ZNF444: variants seen among roughly 807,000 people sequenced by gnomAD.
ZNF444 encodes the protein zinc finger protein 444.
Under a neutral mutation model 14.4 loss-of-function variants are expected in ZNF444, and 8 were observed. The observed-to-expected ratio is 0.56, with a 90% CI of 0.33 to 1.00. ZNF444 has a LOEUF of 1.00. ZNF444 is among the 50% of genes least tolerant of loss of function. The pLI is 0.03. For missense variants in ZNF444, 510 were observed against 504.8 expected (o/e 1.01, Z -0.10); for synonymous variants, 258 against 235.9 (o/e 1.09, Z -0.86).
rs756663802 is a variant in ZNF444, at chr19:56,160,227, C to T, written c.*26C>T. 57 of 1,412,418 alleles carry T rather than the reference C, an allele frequency of 4.0e-5. No individual in the cohort carries two copies. The highest frequency in any genetic ancestry group is 5.1e-5 in the Non-Finnish European group (56 of 1,095,108). The allele number at this position is 1,412,418 out of a possible 1,614,324, so 87.5% of individuals were successfully genotyped here. A position where few individuals can be genotyped will look rare whatever the true frequency, so the allele number is the denominator to read the frequency against. ...CCGCCTCCCGGCCAGCGCCATCTCC[C>T]GCCCTTGGTGCTGCCCCCGGGCGGT... On this transcript the variant is annotated 3_prime_UTR_variant, in exon 5 of 5. Coordinates refer to ENST00000337080, the MANE Select transcript of ZNF444 (RefSeq NM_018337.4).
At chr19:56,140,455 G>A (rs1466328429), upstream of ZNF444, among the ~76,000 whole-genome samples, 1 of 152,158 alleles carries the variant, frequency 6.6e-6, no homozygotes, top group African/African-American at 2.4e-5. Flanking sequence ...GGGGCACAGC[G>A]AGGACGCGTG....
chr19:56,154,802 T>A (rs1179777405), intron 3 of ZNF444: 3 of 151,950 alleles, frequency 2.0e-5, no homozygotes, highest in Admixed American at 2.0e-4. Flanking sequence ...GATCCCACAG[T>A]GGGTGGACAG....
At position 56,145,520 on chromosome 19, in the gene ZNF444, A is replaced by C. The variant is rs1402227401; in HGVS notation, c.-196-727A>C. ...AGAATCGCTTGACCCTGGGAGGCGG[A>C]GGTTGCAGTGAACCAAGATCGCACC... On this transcript the variant is annotated intron_variant, in intron 1 of 4. Coordinates refer to ENST00000337080, the MANE Select transcript of ZNF444 (RefSeq NM_018337.4). The surrounding 1 kb of genome is among the most constrained non-coding windows in gnomAD (Gnocchi z 4.3). Among the ~76,000 whole-genome samples, 2 of 152,096 alleles carry C rather than the reference A, an allele frequency of 1.3e-5. No individual in the cohort carries two copies. Among genetic ancestry groups the C allele is most frequent in the Non-Finnish European group, 2.9e-5 (2 of 68,016 alleles).
chr19:56,137,653 T>A (rs1339980591), upstream of ZNF444, among the ~76,000 whole-genome samples: 1 of 152,118 alleles, frequency 6.6e-6, no homozygotes, highest in Non-Finnish European at 1.5e-5. Flanking sequence ...GTGCCCCGGC[T>A]CAGTTCTGCA....
chr19:56,154,956 C>T (rs572958585), intron 3 of ZNF444: 9 of 152,356 alleles, frequency 5.9e-5, no homozygotes, highest in Non-Finnish European at 1.2e-4. Context: ...GGATATGAGT[C>T]CTGCCTCCAC....
At chr19:56,156,483 C>T (rs906230508) in intron 3 of ZNF444, 2 of 152,172 alleles carry the variant, frequency 1.3e-5, no homozygotes, top group Admixed American at 1.3e-4. Context: ...GGGGCAGGAC[C>T]CCTTCTGAAG....
intron 4 of ZNF444, 93 bp from the exon 5 acceptor site, chr19:56,159,531 T>G (rs2032135457): frequency 6.8e-6 from 8 of 1,180,616 alleles, no homozygotes; most frequent in South Asian, 3.5e-5. Flanking sequence ...GGTTTCTGCC[T>G]TTAAGCGTTC....
At chr19:56,141,753 C>T (rs1189810190) in intron 1 of ZNF444, 1 of 149,236 alleles carries the variant, frequency 6.7e-6, no homozygotes, top group Non-Finnish European at 1.5e-5. Flanking sequence ...CTGGACCCTA[C>T]AAAGGAGTCT....
intron 1 of ZNF444, chr19:56,143,598 C>A (rs1030025731): frequency 1.3e-5 from 2 of 152,188 alleles, no homozygotes; most frequent in Non-Finnish European, 2.9e-5. Context: ...TTAGGTAAGA[C>A]ATCTCCCCTT....
At position 56,160,122 on chromosome 19, in the gene ZNF444, G is replaced by A. The variant is rs751407962; in HGVS notation, c.905G>A (p.Arg302Gln). 6.1e-6 allele frequency: 9 copies of A among 1,486,052 alleles called. No individual in the cohort carries two copies. The highest frequency in any genetic ancestry group is 2.9e-5 in the African/African-American group (2 of 68,192). 92.1% of individuals were successfully genotyped at this position (1,486,052 alleles called of 1,614,324 possible). ...CTGCGCCACCAGCGCATCCACGGCCGGGCAGCGGCCAGCGCGCAGGGGGCG... is the reference window on the plus strand; with the variant it reads ...CTGCGCCACCAGCGCATCCACGGCCAGGCAGCGGCCAGCGCGCAGGGGGCG... ...HVLRHQRIHG[R>Q]AAASAQGAVA... The change falls in exon 5 of 5, where the codon CGG becomes CAG. Residue 302 changes from arginine to glutamine, a missense_variant. Coordinates refer to ENST00000337080, the MANE Select transcript of ZNF444 (RefSeq NM_018337.4).
Position 56,160,233 on chromosome 19 carries a change from T to C in ZNF444, c.*32T>C, listed in dbSNP as rs1423534201. Reference sequence around the variant, plus strand: ...CCCGGCCAGCGCCATCTCCCGCCCTTGGTGCTGCCCCCGGGCGGTACCTGC... The same window carrying C: ...CCCGGCCAGCGCCATCTCCCGCCCTCGGTGCTGCCCCCGGGCGGTACCTGC... On this transcript the variant is annotated 3_prime_UTR_variant, in exon 5 of 5. Transcript: ENST00000337080. The C allele has an allele frequency of 2.8e-6, 4 of 1,405,464 alleles. No individual in the cohort carries two copies. In the East Asian group the frequency reaches 1.2e-4, roughly 41 times the overall value. 87.1% of individuals were successfully genotyped at this position (1,405,464 alleles called of 1,614,324 possible).
upstream of ZNF444, among the ~76,000 whole-genome samples, chr19:56,139,814 G>C (rs1299822211): frequency 6.6e-6 from 1 of 152,084 alleles, no homozygotes; most frequent in Non-Finnish European, 1.5e-5. Flanking sequence ...GTGGAGTAAT[G>C]GGAAGGAACA....
At chr19:56,135,116 AGCTACTGGGGAG>A (rs1264677644) in intron 1 of ZNF444, among the ~76,000 whole-genome samples, 1 of 152,174 alleles carries the variant, frequency 6.6e-6, no homozygotes, top group Non-Finnish European at 1.5e-5. Context: ...CTGTAGTCCC[AGCTACTGGGGAG>A]GCTGAGGCAG....
At chr19:56,157,245 A>AG (rs2031967977) in intron 3 of ZNF444, 1 of 152,416 alleles carries the variant, frequency 6.6e-6, no homozygotes, top group Admixed American at 6.5e-5. Flanking sequence ...CCTAGGATCT[A>AG]GTCAGCGTTG....
At chr19:56,143,240 T>A (rs274185) in intron 1 of ZNF444, 42,876 of 152,172 alleles carry the variant, frequency 0.28, 7,532 homozygotes, top group East Asian at 0.61. Context: ...ACCGACCCAG[T>A]GAAGAGCTGG....
intron 3 of ZNF444, chr19:56,155,289 C>A (rs1217155643): frequency 6.6e-6 from 1 of 152,590 alleles, no homozygotes; most frequent in Non-Finnish European, 1.5e-5. Context: ...CCGGCAACAA[C>A]GTGTGACAAC....
intron 1 of ZNF444, among the ~76,000 whole-genome samples, chr19:56,132,931 C>CTTTTTTTTTT (rs1488948457): frequency 1.6e-4 from 6 of 38,112 alleles, no homozygotes; most frequent in Non-Finnish European, 3.0e-4. Context: ...TTCTTTCTTT[C>CTTTTTTTTTT]TTTCTTTTTT....
Position 56,159,655 on chromosome 19 carries a change from G to C in ZNF444, c.438G>C (p.Ala146=). The change falls in exon 5 of 5, where the codon GCG becomes GCC. Residue 146 remains alanine, a synonymous_variant. Transcript: ENST00000337080. ...CCGCCCCTGGGGCTGAGGGGCCGGC[G>C]CCTGGGGACTCCCAGGCTGTGCGCC... ...AGTAPGAEGP[A]PGDSQAVRPY... 1.4e-6 allele frequency: 2 copies of C among 1,466,016 alleles called. No individual in the cohort carries two copies. Among genetic ancestry groups the C allele is most frequent in the Non-Finnish European group, 1.8e-6 (2 of 1,113,370 alleles). 90.8% of individuals were successfully genotyped at this position (1,466,016 alleles called of 1,614,324 possible). A position where few individuals can be genotyped will look rare whatever the true frequency, so the allele number is the denominator to read the frequency against.
chr19:56,148,328 G>T (rs559622099), intron 3 of ZNF444, among the ~76,000 whole-genome samples: 26 of 152,230 alleles, frequency 1.7e-4, no homozygotes, highest in African/African-American at 5.8e-4. Context: ...GGGTGTTTGC[G>T]GCCAGGCCTG....
Sources: gnomAD v4.1 joint callset for allele counts (sites outside exome capture counted in the v4.1 genomes callset) on GRCh38, gnomAD v4.1.1 for gene constraint, Gnocchi (gnomAD v3.1) non-coding constraint, MANE v1.5 for transcripts, NCBI Gene and HGNC (gene_info 2026-07-23, HGNC 2026-07-21) for gene names.